ARHGAP40: variants seen among roughly 807,000 people sequenced by gnomAD.
The protein encoded by ARHGAP40 is Rho GTPase activating protein 40, also known as rho GTPase-activating protein 40.
In ARHGAP40, 43 loss-of-function variants were observed where a neutral mutation model predicts 73.5. The ratio of observed to expected loss-of-function variants is 0.58; its 90% CI spans 0.46 to 0.75. The LOEUF is 0.75. ARHGAP40 is among the 30% of genes least tolerant of loss of function. The pLI is 0.00. For synonymous variants in ARHGAP40, 300 were observed against 352.8 expected (o/e 0.85, Z 1.68); for missense variants, 734 against 861.8 (o/e 0.85, Z 1.86).
rs150663944 is a variant in ARHGAP40, at chr20:38,640,376, C to T, written c.1279+990C>T. On this transcript the variant is annotated intron_variant, in intron 9 of 14. Coordinates refer to ENST00000373345, the Ensembl canonical transcript of ARHGAP40. ...AGAATATAGGCACATGAGACCACGCCTGGCATACTTGTTTAACATTTTTTT... is the reference window on the plus strand; with the variant it reads ...AGAATATAGGCACATGAGACCACGCTTGGCATACTTGTTTAACATTTTTTT... Among the ~76,000 whole-genome samples, 14 of 152,098 alleles carry T rather than the reference C, an allele frequency of 9.2e-5. No individual in the cohort carries two copies. The East Asian group carries it at 2.5e-3, about 27-fold the overall frequency.
In ARHGAP40 at chr20:38,627,181, A is replaced by AT; in HGVS notation, c.525dup (p.Val176CysfsTer33). ...AGACAACACAAGACACCTGTCAGAGATGTCAGGGATGTCTTTGGGGTCTTC... is the reference window on the plus strand; with the variant it reads ...AGACAACACAAGACACCTGTCAGAGATTGTCAGGGATGTCTTTGGGGTCTTC... On this transcript the variant is annotated frameshift_variant, in exon 3 of 15. Coordinates refer to ENST00000373345, the Ensembl canonical transcript of ARHGAP40. LOFTEE classifies it high-confidence loss of function. The AT allele has an allele frequency of 7.7e-7, 1 of 1,305,448 alleles. No individual in the cohort carries two copies. The highest frequency in any genetic ancestry group is 1.0e-6 in the Non-Finnish European group (1 of 988,976). The allele number at this position is 1,305,448 out of a possible 1,614,324, so 80.9% of individuals were successfully genotyped here.
At position 38,646,986 on chromosome 20, in the gene ARHGAP40, C is replaced by G. The variant is rs2089058003; in HGVS notation, c.1740C>G (p.Val580=). The G allele has an allele frequency of 7.7e-7, 1 of 1,305,386 alleles. No homozygotes were observed. The highest frequency in any genetic ancestry group is 1.5e-5 in the African/African-American group (1 of 65,846). 80.9% of individuals were successfully genotyped at this position (1,305,386 alleles called of 1,614,324 possible). Residue 580 remains valine, a synonymous_variant, in exon 13 of 15, where the codon GTC becomes GTG. Coordinates refer to ENST00000373345, the Ensembl canonical transcript of ARHGAP40. The surrounding 1 kb of genome is among the most constrained non-coding windows in gnomAD (Gnocchi z 4.5). ...CCAAGGTGGCAAAGATCCAGGTGGT[C>G]TGGCCTATCAAGGACCCCTTGAAGG...
chr20:38,632,686 C>T (rs185448613), intron 5 of ARHGAP40, among the ~76,000 whole-genome samples: 413 of 152,230 alleles, frequency 2.7e-3, no homozygotes, highest in Non-Finnish European at 4.0e-3. Flanking sequence ...TAATTAATCA[C>T]GCTAAAGGGC....
At chr20:38,614,983 C>T in intron 1 of ARHGAP40, 1 of 1,233,998 alleles carries the variant, frequency 8.1e-7, no homozygotes, top group South Asian at 1.2e-5. Flanking sequence ...TGGTTGAGCG[C>T]TTGTGTGAGG....
intron 5 of ARHGAP40, among the ~76,000 whole-genome samples, chr20:38,630,642 C>T (rs2088932688): frequency 6.6e-6 from 1 of 152,096 alleles, no homozygotes; most frequent in Non-Finnish European, 1.5e-5. Context: ...CAGATATTTA[C>T]CAGGTACAGC....
intron 3 of ARHGAP40, 36 bp from the exon 4 acceptor site, chr20:38,628,891 A>G (rs1383291274): frequency 7.8e-7 from 1 of 1,285,516 alleles, no homozygotes; most frequent in South Asian, 1.3e-5. Context: ...TCAGCTTCCC[A>G]CATGAGTAAT....
chr20:38,643,960 G>A (rs1178428380), intron 11 of ARHGAP40, 50 bp downstream of exon 11: 39 of 1,243,562 alleles, frequency 3.1e-5, no homozygotes, highest in Middle Eastern at 3.4e-4. Flanking sequence ...CTGCCGTGCC[G>A]CCCCTGCTCT....
At chr20:38,632,382 C>T (rs561297419) in intron 5 of ARHGAP40, among the ~76,000 whole-genome samples, 2 of 152,056 alleles carry the variant, frequency 1.3e-5, no homozygotes, top group East Asian at 1.9e-4. Context: ...CCTGCCTCAG[C>T]CCCCGAGTAG....
chr20:38,605,203 G>A (rs2088764103), intron 1 of ARHGAP40, among the ~76,000 whole-genome samples: 1 of 152,194 alleles, frequency 6.6e-6, no homozygotes, highest in African/African-American at 2.4e-5. Context: ...CTTGTTGTAG[G>A]TGTTCATGAA....
intron 10 of ARHGAP40, among the ~76,000 whole-genome samples, chr20:38,643,438 T>A (rs1478074722): frequency 1.3e-5 from 2 of 152,150 alleles, no homozygotes; most frequent in African/African-American, 4.8e-5. Flanking sequence ...TACCTGGAAG[T>A]TGAAGTCTGA....
At chr20:38,638,606 G>C (rs79145449) in intron 7 of ARHGAP40, among the ~76,000 whole-genome samples, 155 bp from the exon 8 acceptor site, 4,234 of 152,256 alleles carry the variant, frequency 0.028, 212 homozygotes, top group African/African-American at 0.098. Flanking sequence ...AGAATGCTGG[G>C]CTCATGGAAG....
At chr20:38,635,400 A>C (rs1342734591) in intron 6 of ARHGAP40, among the ~76,000 whole-genome samples, 1 of 152,166 alleles carries the variant, frequency 6.6e-6, no homozygotes, top group Non-Finnish European at 1.5e-5. Context: ...GCAGTGGCTC[A>C]CACCTGTAAT....
chr20:38,637,001 C>CAT (rs974890454), intron 6 of ARHGAP40, among the ~76,000 whole-genome samples: 3 of 152,134 alleles, frequency 2.0e-5, no homozygotes, highest in African/African-American at 7.2e-5. Flanking sequence ...GAGAAGACCT[C>CAT]AAGCCAGGGT....
intron 1 of ARHGAP40, among the ~76,000 whole-genome samples, chr20:38,620,840 G>C (rs2088869850): frequency 6.6e-6 from 1 of 152,160 alleles, no homozygotes; most frequent in African/African-American, 2.4e-5. Flanking sequence ...GAATTGTTTA[G>C]GACTCGGAGT....
exon 8 of ARHGAP40, chr20:38,638,812 G>A: frequency 7.7e-7 from 1 of 1,305,428 alleles, no homozygotes. Context: ...CATTCTCAGG[G>A]TGCCCGGATC....
At chr20:38,639,582 C>T (rs2089001658) in intron 9 of ARHGAP40, among the ~76,000 whole-genome samples, 196 bp downstream of exon 9, 1 of 152,228 alleles carries the variant, frequency 6.6e-6, no homozygotes, top group Non-Finnish European at 1.5e-5. Context: ...GCACGCGTGT[C>T]CTGCGTGTGT....
At chr20:38,630,616 C>T (rs1194026407) in intron 5 of ARHGAP40, among the ~76,000 whole-genome samples, 1 of 151,946 alleles carries the variant, frequency 6.6e-6, no homozygotes, top group Non-Finnish European at 1.5e-5. Flanking sequence ...TGAACTATAA[C>T]TCGCTGTTAA....
In ARHGAP40 at chr20:38,625,651, T is replaced by G. The variant is rs2088895026; in HGVS notation, c.338-1344T>G. Among the ~76,000 whole-genome samples the G allele has an allele frequency of 2.0e-5, 3 of 152,310 alleles. No individual in the cohort carries two copies. The South Asian group carries it at 6.2e-4, about 32-fold the overall frequency. Reference sequence around the variant, plus strand: ...CCGGGCTGGTCTTGAAATCCTGATCTCAGGTGATCTGCCCACCTTGGCCTC... The same window carrying G: ...CCGGGCTGGTCTTGAAATCCTGATCGCAGGTGATCTGCCCACCTTGGCCTC... On this transcript the variant is annotated intron_variant, in intron 2 of 14. Coordinates refer to ENST00000373345, the Ensembl canonical transcript of ARHGAP40.
intron 13 of ARHGAP40, 47 bp from the exon 14 acceptor site, chr20:38,648,596 A>C (rs781221490): frequency 2.3e-6 from 3 of 1,285,044 alleles, no homozygotes; most frequent in South Asian, 2.5e-5. Flanking sequence ...TGATGTTTCC[A>C]GAAGAAAAAG....
Sources: allele counts gnomAD v4.1 joint callset (sites outside exome capture counted in the v4.1 genomes callset), GRCh38; gene constraint gnomAD v4.1.1; non-coding constraint Gnocchi (gnomAD v3.1); transcripts MANE v1.5; gene names NCBI Gene and HGNC (gene_info 2026-07-23, HGNC 2026-07-21).